The following NPSR1 variants were observed in gnomAD, a reference collection of about 807,000 sequenced individuals.
The protein encoded by NPSR1 is neuropeptide S receptor 1, also known as neuropeptide S receptor.
In NPSR1, 48 loss-of-function variants were observed where a neutral mutation model predicts 46.9. That is an observed-to-expected ratio of 1.02 (90% CI 0.81 to 1.30). The LOEUF (loss-of-function observed/expected upper bound fraction) is 1.30, where lower values mean the gene tolerates loss of function less well. Ranked by LOEUF, NPSR1 falls within the 50% of genes most tolerant of loss-of-function variation. NPSR1 has a pLI of 0.00. For missense variants in NPSR1, 450 were observed against 449.5 expected (o/e 1.00, Z -0.01); for synonymous variants, 176 against 168.1 (o/e 1.05, Z -0.36).
At chr7:34,671,033 G>A (rs1792025529) in intron 1 of NPSR1, among the ~76,000 whole-genome samples, 1 of 152,026 alleles carries the variant, frequency 6.6e-6, no homozygotes, top group African/African-American at 2.4e-5. Context: ...TTCAAAGACA[G>A]AAACAAAGAC....
chr7:34,869,157 A>G (rs1791392116), intron 8 of NPSR1, among the ~76,000 whole-genome samples: 1 of 151,808 alleles, frequency 6.6e-6, no homozygotes. Flanking sequence ...GGGCTGCCAC[A>G]GTATGGTAGC....
intron 8 of NPSR1, among the ~76,000 whole-genome samples, chr7:34,873,749 G>C (rs1184075476): frequency 6.6e-6 from 1 of 151,696 alleles, no homozygotes; most frequent in East Asian, 1.9e-4. Flanking sequence ...GAGATTTGGA[G>C]GGGACAAACA....
intron 2 of NPSR1, chr7:34,723,272 C>T (rs1562678930): frequency 6.6e-6 from 1 of 152,590 alleles, no homozygotes; most frequent in Non-Finnish European, 1.5e-5. Context: ...TCATTTGACC[C>T]CAATTACTTA....
chr7:34,693,403 A>G lies in NPSR1; in HGVS notation c.280+8719A>G, dbSNP rs113052734. On this transcript the variant is annotated intron_variant, in intron 2 of 8. Transcript: ENST00000360581. ...AAACTAGAAAACCTGGAGGAAATGG[A>G]TAAATCCCAGAAACATACAACCCCC... Among the ~76,000 whole-genome samples the G allele has an allele frequency of 6.9e-3, 1,046 of 152,306 alleles. 13 individuals carry two copies. Among genetic ancestry groups the G allele is most frequent in the African/African-American group, 0.024 (1,005 of 41,554 alleles).
chr7:34,700,182 T>C (rs1293142226), intron 2 of NPSR1, among the ~76,000 whole-genome samples: 2 of 151,918 alleles, frequency 1.3e-5, no homozygotes, highest in African/African-American at 4.8e-5. Context: ...TGTCCCAAAG[T>C]CATAAGGCGG....
intron 3 of NPSR1, among the ~76,000 whole-genome samples, chr7:34,782,189 C>A (rs1214928141): frequency 6.6e-6 from 1 of 152,138 alleles, no homozygotes; most frequent in Non-Finnish European, 1.5e-5. Flanking sequence ...GCACCTTGAG[C>A]ACCAATGTCA....
chr7:34,777,465 G>A (rs1787016771), intron 2 of NPSR1, among the ~76,000 whole-genome samples: 1 of 151,588 alleles, frequency 6.6e-6, no homozygotes, highest in African/African-American at 2.4e-5. Context: ...GAGAGGGGTG[G>A]CGTCAGAGAT....
At chr7:34,866,027 A>C (rs10277849) in intron 8 of NPSR1, among the ~76,000 whole-genome samples, 1 of 151,550 alleles carries the variant, frequency 6.6e-6, no homozygotes, top group East Asian at 1.9e-4. Flanking sequence ...AAAGGCTCCA[A>C]TCTTCATCAT....
chr7:34,771,580 G>C (rs1156519381), intron 2 of NPSR1, among the ~76,000 whole-genome samples: 1 of 152,112 alleles, frequency 6.6e-6, no homozygotes, highest in African/African-American at 2.4e-5. Context: ...AGGGAATGAG[G>C]GGATGAGAAG....
chr7:34,806,919 C>T (rs1467289719), intron 3 of NPSR1, among the ~76,000 whole-genome samples: 2 of 152,054 alleles, frequency 1.3e-5, no homozygotes, highest in Non-Finnish European at 2.9e-5. Flanking sequence ...AGTCTCACTT[C>T]TCTGTGCAAG....
intron 6 of NPSR1, among the ~76,000 whole-genome samples, chr7:34,843,202 T>A (rs1033970487): frequency 6.6e-6 from 1 of 152,186 alleles, no homozygotes; most frequent in Non-Finnish European, 1.5e-5. Flanking sequence ...TACCACAGAC[T>A]GGGAAATTTA....
chr7:34,720,588 G>A (rs1783805249), intron 2 of NPSR1, among the ~76,000 whole-genome samples: 1 of 152,130 alleles, frequency 6.6e-6, no homozygotes, highest in Non-Finnish European at 1.5e-5. Context: ...TGTGTGATGT[G>A]TGGGGTTTGG....
chr7:34,724,108 C>T (rs1439219799), intron 2 of NPSR1, among the ~76,000 whole-genome samples: 2 of 152,130 alleles, frequency 1.3e-5, no homozygotes, highest in Non-Finnish European at 2.9e-5. Flanking sequence ...TCAAAATCAC[C>T]CAAACCTGAA....
Position 34,684,665 on chromosome 7 carries a change from G to A in NPSR1, c.261G>A (p.Val87=). The part of the protein sequence containing the change: ...RKKKSRMTFF[V]TQLAITDSFT... ...AGAAGTCAAGAATGACCTTCTTTGT[G>A]ACTCAGCTGGCCATCACAGGTAAGT... is the stretch of plus-strand genomic sequence containing the variant. Residue 87 remains valine (V), a synonymous_variant, in exon 2 of 9, where the codon GTG becomes GTA. Transcript: ENST00000360581. The A allele has an allele frequency of 6.2e-7, 1 of 1,612,312 alleles. No individual in the cohort carries two copies. The highest frequency in any genetic ancestry group is 8.5e-7 in the Non-Finnish European group (1 of 1,179,302).
intron 1 of NPSR1, among the ~76,000 whole-genome samples, chr7:34,664,558 G>A (rs906205165): frequency 1.3e-5 from 2 of 151,870 alleles, no homozygotes; most frequent in East Asian, 1.9e-4. Context: ...GGACAGCTTC[G>A]ATATGCAGGT....
chr7:34,797,732 A>G (rs1314919799), intron 3 of NPSR1, among the ~76,000 whole-genome samples: 1 of 152,216 alleles, frequency 6.6e-6, no homozygotes, highest in East Asian at 1.9e-4. Context: ...TAGGCATATC[A>G]TATTCAAACT....
intron 2 of NPSR1, among the ~76,000 whole-genome samples, chr7:34,749,496 A>G (rs1216632481): frequency 2.0e-5 from 3 of 152,216 alleles, no homozygotes; most frequent in Non-Finnish European, 4.4e-5. Context: ...GGTAGAAACT[A>G]AGACCCAAGA....
intron 3 of NPSR1, among the ~76,000 whole-genome samples, 180 bp downstream of exon 3, chr7:34,778,745 T>C (rs1787096008): frequency 6.6e-6 from 1 of 152,146 alleles, no homozygotes; most frequent in African/African-American, 2.4e-5. Flanking sequence ...AAATAGTATC[T>C]ATATAAAGAA....
intron 8 of NPSR1, among the ~76,000 whole-genome samples, chr7:34,848,905 C>A: frequency 6.6e-6 from 1 of 152,336 alleles, no homozygotes; most frequent in South Asian, 2.1e-4. Flanking sequence ...TTAATCATGA[C>A]ACATCTAGAA....
Sources: gnomAD v4.1 joint callset for allele counts (sites outside exome capture counted in the v4.1 genomes callset) on GRCh38, gnomAD v4.1.1 for gene constraint, MANE v1.5 for transcripts, NCBI Gene and HGNC (gene_info 2026-07-23, HGNC 2026-07-21) for gene names.